The following ANKAR variants were observed in gnomAD, a reference collection of about 807,000 sequenced individuals.
ANKAR encodes ankyrin and armadillo repeat-containing protein.
ANKAR carries 136 observed loss-of-function variants against 146.2 expected under a neutral mutation model. The ratio of observed to expected loss-of-function variants is 0.93; its 90% CI spans 0.81 to 1.07. ANKAR has a LOEUF of 1.07. Among genes scored for constraint, ANKAR ranks in the 50% least tolerant of loss-of-function variants. The probability of loss-of-function intolerance (pLI) is 0.00; values close to 1 mark genes in which losing one functional copy is unlikely to be tolerated. For missense variants in ANKAR, 1,567 were observed against 1,679.9 expected, an observed-to-expected ratio of 0.93 and a Z score of 1.18; for synonymous variants, 500 against 575.8, an observed-to-expected ratio of 0.87 and a Z score of 1.88.
rs144553713 is a variant in ANKAR, at chr2:189,676,966, A to T, written c.476A>T (p.His159Leu). 4.3e-6 allele frequency: 7 copies of T among 1,613,940 alleles called. No homozygotes were observed. Among genetic ancestry groups the T allele is most frequent in the Non-Finnish European group, 5.9e-6 (7 of 1,180,052 alleles). Reference sequence around the variant, plus strand: ...GACTACATGCTGAAAGCACTATGGCATGGAATATATATGCCCAAAGAAAAA... The same window carrying T: ...GACTACATGCTGAAAGCACTATGGCTTGGAATATATATGCCCAAAGAAAAA... ...NIDYMLKALWHGIYMPKEKRA... is the reference protein window; with the variant it reads ...NIDYMLKALWLGIYMPKEKRA... The change falls in exon 2 of 23, where the codon CAT becomes CTT. Residue 159 changes from histidine to leucine, a missense_variant. His to Leu is a moderately conservative substitution (Grantham distance 99, BLOSUM62 -3). Transcript: ENST00000684021.
downstream of ANKAR, among the ~76,000 whole-genome samples, chr2:189,749,720 C>T (rs141993408): frequency 5.9e-5 from 9 of 152,246 alleles, no homozygotes; most frequent in Non-Finnish European, 1.0e-4. Flanking sequence ...AATGCATAGA[C>T]ATCCTATTTA....
downstream of ANKAR, among the ~76,000 whole-genome samples, chr2:189,748,824 G>T (rs1030041175): frequency 1.3e-5 from 2 of 152,072 alleles, no homozygotes; most frequent in Non-Finnish European, 2.9e-5. Context: ...TATACTTTAG[G>T]ACTATTTTCA....
chr2:189,742,884 A>ACACG (rs1464144555), intron 20 of ANKAR, among the ~76,000 whole-genome samples: 2 of 129,644 alleles, frequency 1.5e-5, no homozygotes, highest in African/African-American at 3.0e-5. Context: ...ACACACACAC[A>ACACG]CACACACACT....
At chr2:189,718,740 A>ATT (rs1335533047) in intron 10 of ANKAR, among the ~76,000 whole-genome samples, 1 of 117,466 alleles carries the variant, frequency 8.5e-6, no homozygotes, top group African/African-American at 3.1e-5. Context: ...CAGATTTTCT[A>ATT]TTTTCTTTTT....
chr2:189,709,694 G>A (rs772839826), intron 9 of ANKAR, among the ~76,000 whole-genome samples: 34 of 152,136 alleles, frequency 2.2e-4, no homozygotes, highest in Non-Finnish European at 3.1e-4. Flanking sequence ...AATTTACTAG[G>A]TACTGGGAAC....
chr2:189,717,269 G>A (rs1256517236), intron 10 of ANKAR, among the ~76,000 whole-genome samples: 15 of 152,084 alleles, frequency 9.9e-5, no homozygotes, highest in African/African-American at 2.4e-4. Flanking sequence ...ATCAAAAAGC[G>A]GGCAAAGGAT....
chr2:189,721,694 T>C (rs961752481), intron 12 of ANKAR, among the ~76,000 whole-genome samples: 3 of 152,222 alleles, frequency 2.0e-5, no homozygotes, highest in African/African-American at 7.2e-5. Context: ...TTAGCACATT[T>C]AACAGGTAAG....
In ANKAR at chr2:189,760,401, G is replaced by C. The variant is rs182526627; in HGVS notation, c.*585-697G>C. On this transcript the variant is annotated intron_variant and NMD_transcript_variant, in intron 18 of 18. Transcript: ENST00000441800. Reference sequence around the variant, plus strand: ...GCAGAGGCGCCCCCACCTCCCAGACGGGGCGGCTGCTGGGCGGGGGCGCCC... The same window carrying C: ...GCAGAGGCGCCCCCACCTCCCAGACCGGGCGGCTGCTGGGCGGGGGCGCCC... 4.7e-3 allele frequency among the ~76,000 whole-genome samples: 722 copies of C among 152,242 alleles called. 3 individuals carry two copies. The highest frequency in any genetic ancestry group is 0.016 in the African/African-American group (673 of 41,552).
At chr2:189,710,636 C>A (rs919883120) in intron 9 of ANKAR, among the ~76,000 whole-genome samples, 5 of 151,478 alleles carry the variant, frequency 3.3e-5, no homozygotes, top group African/African-American at 1.2e-4. Context: ...GCTGTCTCTG[C>A]AAAAAAAATA....
chr2:189,754,155 T>C, intron 18 of ANKAR: 1 of 1,613,250 alleles, frequency 6.2e-7, no homozygotes, highest in East Asian at 2.2e-5. Context: ...CTCTTTTTCC[T>C]TTTTCATTAT....
chr2:189,710,064 A>T (rs372315039), intron 9 of ANKAR, among the ~76,000 whole-genome samples: 8 of 152,338 alleles, frequency 5.3e-5, no homozygotes. Flanking sequence ...TCCACTACGC[A>T]TAAAAGAAAA....
At chr2:189,710,187 G>A (rs1226101728) in intron 9 of ANKAR, among the ~76,000 whole-genome samples, 17 of 152,192 alleles carry the variant, frequency 1.1e-4, no homozygotes, top group Non-Finnish European at 2.4e-4. Context: ...TGGTAATAGA[G>A]TGGCTGGCTA....
intron 20 of ANKAR, 50 bp from the exon 21 acceptor site, chr2:189,743,225 A>G (rs778516182): frequency 1.3e-6 from 2 of 1,555,572 alleles, no homozygotes; most frequent in Admixed American, 3.5e-5. Context: ...ACATTAAGAT[A>G]TTTTAAGAAC....
At chr2:189,736,396 A>G (rs1204455531) in intron 17 of ANKAR, among the ~76,000 whole-genome samples, 1 of 150,834 alleles carries the variant, frequency 6.6e-6, no homozygotes, top group Non-Finnish European at 1.5e-5. Context: ...TCTAGGTTCT[A>G]TTTTGCTGTC....
At chr2:189,736,567 AATATAT>A (rs2042873290) in intron 17 of ANKAR, among the ~76,000 whole-genome samples, 1 of 147,524 alleles carries the variant, frequency 6.8e-6, no homozygotes, top group Non-Finnish European at 1.5e-5. Flanking sequence ...GAAAATTTCA[AATATAT>A]ATAAAATGAC....
At chr2:189,724,334 C>G (rs2041633433) in intron 12 of ANKAR, among the ~76,000 whole-genome samples, 1 of 152,158 alleles carries the variant, frequency 6.6e-6, no homozygotes, top group Admixed American at 6.5e-5. Flanking sequence ...TTCAGTGACT[C>G]TCTATCACCT....
intron 7 of ANKAR, among the ~76,000 whole-genome samples, chr2:189,696,791 G>A (rs1398247534): frequency 6.6e-6 from 1 of 152,116 alleles, no homozygotes; most frequent in African/African-American, 2.4e-5. Context: ...TCAGAGAACA[G>A]CAATAGATAT....
intron 18 of ANKAR, among the ~76,000 whole-genome samples, chr2:189,755,944 G>T (rs1455516306): frequency 6.6e-6 from 1 of 152,178 alleles, no homozygotes; most frequent in Non-Finnish European, 1.5e-5. Context: ...GAAAGTATTT[G>T]TGTAAAATGA....
At chr2:189,758,386 GA>G (rs1008162705) in intron 18 of ANKAR, among the ~76,000 whole-genome samples, 4 of 147,008 alleles carry the variant, frequency 2.7e-5, no homozygotes, top group African/African-American at 5.0e-5. Flanking sequence ...CATCTCAAAA[GA>G]AAAAAAAAAG....
Sources: allele counts gnomAD v4.1 joint callset (sites outside exome capture counted in the v4.1 genomes callset), GRCh38; gene constraint gnomAD v4.1.1; transcripts MANE v1.5; gene names NCBI Gene and HGNC (gene_info 2026-07-23, HGNC 2026-07-21).